DCAF6: variants seen among roughly 807,000 people sequenced by gnomAD.
The protein encoded by DCAF6 is DDB1- and CUL4-associated factor 6.
In DCAF6, 54 loss-of-function variants were observed where a neutral mutation model predicts 125.1. The observed-to-expected ratio is 0.43, with a 90% CI of 0.35 to 0.54. The LOEUF (loss-of-function observed/expected upper bound fraction) is 0.54. DCAF6 is among the 20% of genes least tolerant of loss of function. The pLI, the probability that DCAF6 is intolerant of heterozygous loss-of-function variation, is 0.01. For synonymous variants in DCAF6, 371 were observed against 390.4 expected (o/e 0.95, Z 0.58); for missense variants, 934 against 1,161.7 (o/e 0.80, Z 2.85).
At chr1:167,987,327 A>G (rs1205906234) in intron 4 of DCAF6, among the ~76,000 whole-genome samples, 168 bp from the exon 5 acceptor site, 1 of 152,146 alleles carries the variant, frequency 6.6e-6, no homozygotes, top group African/African-American at 2.4e-5. Context: ...ATCTATTTCT[A>G]TCTGTATTGT....
the DCAF6 span, among the ~76,000 whole-genome samples, chr1:167,869,673 T>C: frequency 5.3e-5 from 8 of 152,220 alleles, no homozygotes; most frequent in Non-Finnish European, 8.8e-5. Flanking sequence ...TGTTTCACTG[T>C]GACCACCAGT....
At chr1:168,052,333 T>C (rs539184676) in intron 17 of DCAF6, among the ~76,000 whole-genome samples, 158 of 152,336 alleles carry the variant, frequency 1.0e-3, no homozygotes, top group African/African-American at 3.7e-3. Flanking sequence ...ACCATGATGC[T>C]TTAATTGAGT....
intron 7 of DCAF6, among the ~76,000 whole-genome samples, chr1:167,999,732 G>T (rs1682311940): frequency 6.6e-6 from 1 of 152,136 alleles, no homozygotes; most frequent in Non-Finnish European, 1.5e-5. Context: ...GCTTTAAAGA[G>T]ATTTAGCGCC....
chr1:167,957,571 T>C (rs1192440505), intron 2 of DCAF6, among the ~76,000 whole-genome samples: 3 of 152,176 alleles, frequency 2.0e-5, no homozygotes, highest in South Asian at 2.1e-4. Context: ...TTGGCAATTA[T>C]GAATAATGCT....
At chr1:168,055,809 AG>A in intron 17 of DCAF6, 1 of 910,914 alleles carries the variant, frequency 1.1e-6, no homozygotes, top group Non-Finnish European at 1.8e-6. Flanking sequence ...TAATACTAAA[AG>A]TTTCTATTCT....
In DCAF6 at chr1:168,066,445, A is replaced by G; in HGVS notation, c.2665A>G (p.Asn889Asp). 6.2e-7 allele frequency: 1 copy of G among 1,608,186 alleles called. No individual in the cohort carries two copies. Among genetic ancestry groups the G allele is most frequent in the Non-Finnish European group, 8.5e-7 (1 of 1,175,922 alleles). The change falls in exon 20 of 22, where the codon AAC (asparagine) becomes GAC (aspartate). Residue 889 changes from asparagine to aspartate, a missense_variant. Coordinates refer to ENST00000367840, the MANE Select transcript of DCAF6 (RefSeq NM_001198956.2). ...WSPLEESRIF[N>D]RKLADEVITR... ...ACCATTAGAAGAGTCAAGGATTTTT[A>G]ACCGAAAACTTGCTGATGAAGTAAG...
At chr1:167,956,583 T>G (rs1404393251) in intron 2 of DCAF6, among the ~76,000 whole-genome samples, 1 of 152,158 alleles carries the variant, frequency 6.6e-6, no homozygotes, top group Non-Finnish European at 1.5e-5. Flanking sequence ...TATTTATTAT[T>G]TGAGTCTTCT....
chr1:167,973,483 T>A lies in DCAF6; in HGVS notation c.253-1347T>A, dbSNP rs1677660068. Among the ~76,000 whole-genome samples the A allele has an allele frequency of 1.3e-5, 2 of 152,184 alleles. 1 individual carries two copies. The highest frequency in any genetic ancestry group is 4.1e-4 in the South Asian group (2 of 4,826). ...GATGACTTCTGTTTGAATCGGTTGT[T>A]GTAATGTCACAAAACAGTGATTTTT... On this transcript the variant is annotated intron_variant, in intron 3 of 21. Transcript: ENST00000367840.
intron 7 of DCAF6, among the ~76,000 whole-genome samples, chr1:167,997,439 TC>T (rs1165615079): frequency 6.6e-6 from 1 of 152,198 alleles, no homozygotes; most frequent in Non-Finnish European, 1.5e-5. Context: ...ACTTACGTCT[TC>T]CTGTGTAGAT....
chr1:167,896,587 G>T, the DCAF6 span: 1 of 1,600,262 alleles, frequency 6.2e-7, no homozygotes. Flanking sequence ...TCCATGGTGG[G>T]TACTTACTTT....
At chr1:167,929,912 T>C in the DCAF6 span, among the ~76,000 whole-genome samples, 2,448 of 152,306 alleles carry the variant, frequency 0.016, 57 homozygotes, top group African/African-American at 0.052. Context: ...CACTCCTTTA[T>C]GGTTTGTTAC....
chr1:167,956,533 G>A (rs1435513971), intron 2 of DCAF6, among the ~76,000 whole-genome samples: 6 of 151,876 alleles, frequency 4.0e-5, no homozygotes, highest in East Asian at 3.8e-4. Context: ...AATTGTCTCC[G>A]TTGTTTTTCT....
the DCAF6 span, among the ~76,000 whole-genome samples, chr1:167,887,895 A>T: frequency 6.6e-6 from 1 of 151,944 alleles, no homozygotes; most frequent in African/African-American, 2.4e-5. Flanking sequence ...GAGTCTCCCC[A>T]ATGTTTTCTT....
chr1:167,871,622 T>C, the DCAF6 span, among the ~76,000 whole-genome samples: 29 of 152,352 alleles, frequency 1.9e-4, no homozygotes, highest in South Asian at 5.8e-3. Context: ...GCTGGGCAGA[T>C]GAATGTGGAG....
At chr1:167,900,313 A>G in the DCAF6 span, among the ~76,000 whole-genome samples, 1 of 152,104 alleles carries the variant, frequency 6.6e-6, no homozygotes, top group African/African-American at 2.4e-5. Flanking sequence ...CTGATTCTAC[A>G]TACAGTTTGT....
At chr1:167,903,093 G>T in the DCAF6 span, among the ~76,000 whole-genome samples, 2 of 144,858 alleles carry the variant, frequency 1.4e-5, no homozygotes, top group Non-Finnish European at 3.0e-5. Flanking sequence ...TATCTCTACT[G>T]AAAAAAATAC....
intron 10 of DCAF6, among the ~76,000 whole-genome samples, chr1:168,007,471 TAACC>T (rs1393032520): frequency 6.6e-6 from 1 of 152,170 alleles, no homozygotes; most frequent in Non-Finnish European, 1.5e-5. Context: ...ATTTATTTAT[TAACC>T]AACCCCCATC....
intron 16 of DCAF6, among the ~76,000 whole-genome samples, chr1:168,049,923 G>A (rs1157454223): frequency 6.7e-6 from 1 of 149,510 alleles, no homozygotes; most frequent in East Asian, 2.0e-4. Context: ...CCAAAGTGCT[G>A]GGATTACCGG....
the DCAF6 span, chr1:167,903,874 T>C: frequency 1.9e-6 from 3 of 1,580,952 alleles, no homozygotes; most frequent in Non-Finnish European, 2.6e-6. Context: ...CAGAAACCTA[T>C]GGGAACACTT....
Sources: gnomAD v4.1 joint callset for allele counts (sites outside exome capture counted in the v4.1 genomes callset) on GRCh38, gnomAD v4.1.1 for gene constraint, MANE v1.5 for transcripts, NCBI Gene and HGNC (gene_info 2026-07-23, HGNC 2026-07-21) for gene names.